CCDC60: variants seen among roughly 807,000 people sequenced by gnomAD.
CCDC60 encodes the protein coiled-coil domain containing 60, also known as coiled-coil domain-containing protein 60.
Under a neutral mutation model 63.5 loss-of-function variants are expected in CCDC60, and 54 were observed. The observed-to-expected ratio is 0.85, with a 90% CI of 0.68 to 1.07. The LOEUF (loss-of-function observed/expected upper bound fraction) is 1.07, where lower values mean the gene tolerates loss of function less well. Ranked by LOEUF, CCDC60 falls within the 50% of genes least tolerant of loss-of-function variation. The probability of loss-of-function intolerance (pLI) is 0.00; values close to 1 mark genes in which losing one functional copy is unlikely to be tolerated. For missense variants in CCDC60, 651 were observed against 684.3 expected (o/e 0.95, Z 0.54); for synonymous variants, 206 against 238.8 (o/e 0.86, Z 1.27).
intron 1 of CCDC60, among the ~76,000 whole-genome samples, chr12:119,394,246 C>A (rs1005714148): frequency 1.3e-5 from 2 of 152,220 alleles, no homozygotes; most frequent in African/African-American, 2.4e-5. Flanking sequence ...CAAGGTCACT[C>A]CACTGGGAAG....
chr12:119,402,494 C>T (rs1158428203), intron 1 of CCDC60: 1 of 152,222 alleles, frequency 6.6e-6, no homozygotes, highest in Non-Finnish European at 1.5e-5. Flanking sequence ...TTGAACCCCA[C>T]CTCTGTTCCT....
intron 7 of CCDC60, among the ~76,000 whole-genome samples, chr12:119,510,347 A>G (rs1566052603): frequency 2.6e-5 from 4 of 151,688 alleles, no homozygotes; most frequent in Non-Finnish European, 5.9e-5. Flanking sequence ...CTCTTGTATG[A>G]CTCTCTCTAC....
chr12:119,496,562 GAGA>G (rs879656923), intron 5 of CCDC60, among the ~76,000 whole-genome samples: 5 of 152,214 alleles, frequency 3.3e-5, no homozygotes, highest in Non-Finnish European at 7.3e-5. Context: ...CTGTTGAAAA[GAGA>G]AGGTTATTGT....
chr12:119,481,350 C>A (rs1002923989), intron 4 of CCDC60, among the ~76,000 whole-genome samples: 1 of 152,164 alleles, frequency 6.6e-6, no homozygotes, highest in African/African-American at 2.4e-5. Context: ...ACTTCTGAAA[C>A]CAATTGGAAT....
chr12:119,450,873 AGAG>A, intron 2 of CCDC60, among the ~76,000 whole-genome samples: 1 of 143,454 alleles, frequency 7.0e-6, no homozygotes, highest in African/African-American at 2.8e-5. Flanking sequence ...AAAAAAAGAG[AGAG>A]AGAGAGAGAG....
intron 1 of CCDC60, among the ~76,000 whole-genome samples, chr12:119,397,239 A>T (rs1956273608): frequency 6.6e-6 from 1 of 152,180 alleles, no homozygotes; most frequent in South Asian, 2.1e-4. Context: ...ACAGCGAAAA[A>T]ACAACACTTC....
At chr12:119,512,282 A>T (rs1952233229) in intron 7 of CCDC60, among the ~76,000 whole-genome samples, 1 of 152,112 alleles carries the variant, frequency 6.6e-6, no homozygotes, top group Admixed American at 6.6e-5. Flanking sequence ...TCCAAATCTA[A>T]CTCATAGTCC....
At chr12:119,409,853 C>A (rs890971739) in intron 1 of CCDC60, among the ~76,000 whole-genome samples, 52 of 151,968 alleles carry the variant, frequency 3.4e-4, no homozygotes, top group African/African-American at 1.1e-3. Flanking sequence ...CTGTGTGTCT[C>A]CTTCTCACTC....
At chr12:119,345,134 C>G (rs1592978242) in intron 1 of CCDC60, among the ~76,000 whole-genome samples, 1 of 152,258 alleles carries the variant, frequency 6.6e-6, no homozygotes, top group East Asian at 1.9e-4. Flanking sequence ...ACAATTAAGA[C>G]TTAGATGAGT....
chr12:119,346,961 G>T (rs959540483), intron 1 of CCDC60, among the ~76,000 whole-genome samples: 1 of 151,522 alleles, frequency 6.6e-6, no homozygotes, highest in South Asian at 2.1e-4. Context: ...AGTAGCTGGG[G>T]TTACAGGCGT....
chr12:119,465,688 A>G (rs1474789898), intron 2 of CCDC60, among the ~76,000 whole-genome samples: 1 of 151,258 alleles, frequency 6.6e-6, no homozygotes, highest in Non-Finnish European at 1.5e-5. Flanking sequence ...AACCCAGGAG[A>G]TGGAGGTTAG....
At chr12:119,386,323 T>C (rs1956060944) in intron 1 of CCDC60, among the ~76,000 whole-genome samples, 1 of 152,192 alleles carries the variant, frequency 6.6e-6, no homozygotes, top group African/African-American at 2.4e-5. Context: ...GCTCTTGCCC[T>C]GGGTAGGTTG....
chr12:119,393,036 C>T (rs894605977), intron 1 of CCDC60, among the ~76,000 whole-genome samples: 4 of 152,144 alleles, frequency 2.6e-5, no homozygotes, highest in Non-Finnish European at 4.4e-5. Flanking sequence ...TGGTGGCACA[C>T]GCCTATGGTC....
At chr12:119,412,763 AC>A (rs150785942) in intron 1 of CCDC60, among the ~76,000 whole-genome samples, 31,985 of 87,992 alleles carry the variant, frequency 0.36, 3,439 homozygotes, top group Middle Eastern at 0.49. Flanking sequence ...AAAGCCCCCC[AC>A]CCCCCCCCAC....
intron 1 of CCDC60, among the ~76,000 whole-genome samples, chr12:119,348,339 AC>A (rs1955618863): frequency 6.6e-6 from 1 of 152,130 alleles, no homozygotes; most frequent in South Asian, 2.1e-4. Flanking sequence ...TAGCCTCCTC[AC>A]CTTTTCACTT....
chr12:119,469,961 T>C (rs1455281585), intron 2 of CCDC60, among the ~76,000 whole-genome samples: 2 of 152,232 alleles, frequency 1.3e-5, no homozygotes, highest in African/African-American at 2.4e-5. Context: ...TGAAGCATTT[T>C]TACGTACAGT....
chr12:119,493,762 G>A (rs912933043), intron 5 of CCDC60, among the ~76,000 whole-genome samples: 3 of 152,134 alleles, frequency 2.0e-5, no homozygotes, highest in Admixed American at 6.5e-5. Context: ...AGTAGGATCT[G>A]ATTTTTTCAT....
intron 13 of CCDC60, among the ~76,000 whole-genome samples, chr12:119,536,570 G>A (rs1471368231): frequency 2.0e-5 from 3 of 152,108 alleles, no homozygotes; most frequent in Non-Finnish European, 2.9e-5. Flanking sequence ...TCCTTTTTAT[G>A]TTTAGTGCTT....
intron 8 of CCDC60, among the ~76,000 whole-genome samples, chr12:119,517,893 G>C (rs377244134): frequency 3.3e-5 from 5 of 152,172 alleles, no homozygotes; most frequent in East Asian, 3.9e-4. Context: ...ACACAGCCTA[G>C]AGCCAGAGCT....
Sources: allele counts gnomAD v4.1 joint callset (sites outside exome capture counted in the v4.1 genomes callset), GRCh38; gene constraint gnomAD v4.1.1; transcripts MANE v1.5; gene names NCBI Gene and HGNC (gene_info 2026-07-23, HGNC 2026-07-21).